ITGBL1: variants seen among roughly 807,000 people sequenced by gnomAD.
The protein encoded by ITGBL1 is integrin subunit beta like 1, also known as integrin beta-like protein 1.
ITGBL1 carries 51 observed loss-of-function variants against 68.5 expected under a neutral mutation model. The ratio of observed to expected loss-of-function variants is 0.74; its 90% confidence interval spans 0.59 to 0.94. The LOEUF (loss-of-function observed/expected upper bound fraction) is 0.94. Ranked by LOEUF, ITGBL1 falls within the 40% of genes least tolerant of loss-of-function variation. The pLI is 0.00. For missense variants in ITGBL1, 649 were observed against 647.4 expected (o/e 1.00, Z -0.03); for synonymous variants, 209 against 227.3 (o/e 0.92, Z 0.72).
At chr13:101,626,861 G>T (rs904752152) in intron 7 of ITGBL1, among the ~76,000 whole-genome samples, 1 of 152,050 alleles carries the variant, frequency 6.6e-6, no homozygotes, top group African/African-American at 2.4e-5. Context: ...AGAGTTAAGG[G>T]TTTAGCTAAT....
chr13:101,629,053 A>G (rs2031889987), intron 7 of ITGBL1, among the ~76,000 whole-genome samples: 1 of 152,164 alleles, frequency 6.6e-6, no homozygotes, highest in Admixed American at 6.6e-5. Flanking sequence ...AAAGAAAATC[A>G]TATGACCTTT....
At chr13:101,644,989 A>G (rs532141979) in intron 7 of ITGBL1, among the ~76,000 whole-genome samples, 33 of 152,326 alleles carry the variant, frequency 2.2e-4, no homozygotes, top group African/African-American at 7.9e-4. Context: ...CCAGATAAGT[A>G]AATTGGAGAA....
intron 2 of ITGBL1, among the ~76,000 whole-genome samples, chr13:101,485,504 A>G (rs1041297779): frequency 6.6e-6 from 1 of 152,164 alleles, no homozygotes; most frequent in African/African-American, 2.4e-5. Flanking sequence ...CCTTACTCCT[A>G]TAAGAATGGC....
At chr13:101,505,314 T>A (rs1038033052) in intron 2 of ITGBL1, among the ~76,000 whole-genome samples, 7 of 152,162 alleles carry the variant, frequency 4.6e-5, no homozygotes, top group African/African-American at 1.7e-4. Context: ...TTTTAACCTA[T>A]TTTATGAACA....
chr13:101,652,618 C>T (rs1456128805), intron 7 of ITGBL1, among the ~76,000 whole-genome samples: 1 of 152,138 alleles, frequency 6.6e-6, no homozygotes, highest in East Asian at 1.9e-4. Flanking sequence ...TGTCTGAGGA[C>T]AATGAAGGTG....
intron 7 of ITGBL1, among the ~76,000 whole-genome samples, chr13:101,655,794 T>C (rs1169088383): frequency 6.6e-6 from 1 of 152,216 alleles, no homozygotes; most frequent in Non-Finnish European, 1.5e-5. Flanking sequence ...CAAGTGATAA[T>C]TGGCAATGCC....
At chr13:101,455,601 T>C (rs1221860658) in intron 2 of ITGBL1, among the ~76,000 whole-genome samples, 1 of 152,146 alleles carries the variant, frequency 6.6e-6, no homozygotes, top group African/African-American at 2.4e-5. Context: ...GAGGCAGAGG[T>C]TGCAGAGAGC....
chr13:101,634,242 C>A (rs552208711), intron 7 of ITGBL1, among the ~76,000 whole-genome samples: 1 of 152,094 alleles, frequency 6.6e-6, no homozygotes, highest in East Asian at 1.9e-4. Context: ...AATTAGCTTT[C>A]TTGGAGTAAA....
chr13:101,548,553 G>A (rs970147202), intron 2 of ITGBL1, among the ~76,000 whole-genome samples: 2 of 151,748 alleles, frequency 1.3e-5, no homozygotes, highest in African/African-American at 4.8e-5. Context: ...GCAGCATTAA[G>A]TTTAGTGCAT....
Position 101,452,948 on chromosome 13 carries a change from A to T in ITGBL1, c.98+17A>T, listed in dbSNP as rs2048184941. ...ATCTCTGAGGTAAGTTTGGTTTGTT[A>T]TTCTTCAGTACAGACCTGCCCTGCT... On this transcript the variant is annotated intron_variant, in intron 1 of 10. Coordinates refer to ENST00000376180, the MANE Select transcript of ITGBL1 (RefSeq NM_004791.3). 5 of 1,603,766 alleles carry T rather than the reference A, an allele frequency of 3.1e-6. No homozygotes were observed. Among genetic ancestry groups the T allele is most frequent in the Non-Finnish European group, 4.3e-6 (5 of 1,170,498 alleles).
At chr13:101,578,879 G>A (rs1174623808) in intron 4 of ITGBL1, among the ~76,000 whole-genome samples, 3 of 152,100 alleles carry the variant, frequency 2.0e-5, no homozygotes, top group Non-Finnish European at 4.4e-5. Flanking sequence ...AGGTAAATAT[G>A]CACCATTGGT....
At chr13:101,567,036 CATT>C (rs777482779) in intron 2 of ITGBL1, among the ~76,000 whole-genome samples, 4 of 152,114 alleles carry the variant, frequency 2.6e-5, no homozygotes, top group Non-Finnish European at 4.4e-5. Context: ...TCAATAAAAA[CATT>C]AGTAGGCTTC....
intron 2 of ITGBL1, among the ~76,000 whole-genome samples, chr13:101,552,579 T>G (rs1323016660): frequency 6.6e-6 from 1 of 152,206 alleles, no homozygotes; most frequent in Non-Finnish European, 1.5e-5. Flanking sequence ...TTGTTTTAAG[T>G]CAGATCAAGC....
intron 4 of ITGBL1, 126 bp downstream of exon 4, chr13:101,575,672 T>C: frequency 2.2e-6 from 2 of 919,082 alleles, no homozygotes; most frequent in Non-Finnish European, 3.3e-6. Flanking sequence ...TATGTTTATC[T>C]GGAAAACATT....
chr13:101,463,713 T>C (rs1286074651), intron 2 of ITGBL1, among the ~76,000 whole-genome samples: 4 of 152,060 alleles, frequency 2.6e-5, no homozygotes, highest in Admixed American at 6.6e-5. Flanking sequence ...CCCAAATAGG[T>C]TGATCCCAGA....
At chr13:101,709,350 T>C (rs9518499) in intron 9 of ITGBL1, among the ~76,000 whole-genome samples, 67,177 of 123,146 alleles carry the variant, frequency 0.55, 18,166 homozygotes, top group East Asian at 0.88. Flanking sequence ...CCGGCCTGGG[T>C]GACAGAGCGA....
intron 7 of ITGBL1, among the ~76,000 whole-genome samples, chr13:101,677,327 C>G (rs958525651): frequency 1.0e-4 from 15 of 150,422 alleles, no homozygotes; most frequent in African/African-American, 2.9e-4. Flanking sequence ...GGCTTTTACT[C>G]TTTAGGTTAT....
At chr13:101,538,894 T>G (rs1362315045) in intron 2 of ITGBL1, among the ~76,000 whole-genome samples, 1 of 152,060 alleles carries the variant, frequency 6.6e-6, no homozygotes. Flanking sequence ...GTAATGCAAA[T>G]ACTACCATTT....
rs545355686 is a variant in ITGBL1 at position 101,620,068 on chromosome 13, C to T, written c.1015+21769C>T. Among the ~76,000 whole-genome samples the T allele has an allele frequency of 1.6e-4, 25 of 152,104 alleles. No individual in the cohort carries two copies. In the South Asian group the frequency reaches 5.2e-3, roughly 32 times the overall value. Reference sequence around the variant, plus strand: ...AAGCATAATATGCATTATATTCCGTCGTTTAATCAATTTTTCTATTTAAAT... The same window carrying T: ...AAGCATAATATGCATTATATTCCGTTGTTTAATCAATTTTTCTATTTAAAT... On this transcript the variant is annotated intron_variant, in intron 7 of 10. Coordinates refer to ENST00000376180, the MANE Select transcript of ITGBL1 (RefSeq NM_004791.3).
Sources: gnomAD v4.1 joint callset for allele counts (sites outside exome capture counted in the v4.1 genomes callset) on GRCh38, gnomAD v4.1.1 for gene constraint, MANE v1.5 for transcripts, NCBI Gene and HGNC (gene_info 2026-07-23, HGNC 2026-07-21) for gene names.